The following CELF4 variants were observed in gnomAD, a reference collection of about 807,000 sequenced individuals.
The protein encoded by CELF4 is CUGBP Elav-like family member 4.
In CELF4, 18 loss-of-function variants were observed where a neutral mutation model predicts 59.9. The ratio of observed to expected loss-of-function variants is 0.30; its 90% CI spans 0.21 to 0.45. The LOEUF (loss-of-function observed/expected upper bound fraction) is 0.45, where lower values mean the gene tolerates loss of function less well. CELF4 is among the 20% of genes least tolerant of loss of function. The probability of loss-of-function intolerance (pLI) is 1.00; values close to 1 mark genes in which losing one functional copy is unlikely to be tolerated. For missense variants in CELF4, 456 were observed against 689.0 expected, an observed-to-expected ratio of 0.66 and a Z score of 3.79; for synonymous variants, 261 against 267.1, an observed-to-expected ratio of 0.98 and a Z score of 0.22.
At chr18:37,544,253 G>A (rs1243721579) in intron 1 of CELF4, among the ~76,000 whole-genome samples, 1 of 150,226 alleles carries the variant, frequency 6.7e-6, no homozygotes, top group East Asian at 2.0e-4. Context: ...TGCGTTCCAC[G>A]TTCACAAGCA....
intron 1 of CELF4, among the ~76,000 whole-genome samples, chr18:37,490,393 C>A (rs1473696877): frequency 6.6e-6 from 1 of 152,068 alleles, no homozygotes; most frequent in African/African-American, 2.4e-5. Flanking sequence ...AAAAAAAAAT[C>A]TTTACTAAAA....
chr18:37,315,779 C>G (rs562954928), intron 3 of CELF4, among the ~76,000 whole-genome samples: 2 of 152,304 alleles, frequency 1.3e-5, no homozygotes, highest in African/African-American at 4.8e-5. Flanking sequence ...ATACCTGACC[C>G]AGGTATCAGC....
At chr18:37,324,599 T>A (rs764781937) in intron 2 of CELF4, among the ~76,000 whole-genome samples, 10 of 152,128 alleles carry the variant, frequency 6.6e-5, no homozygotes, top group Non-Finnish European at 1.3e-4. Context: ...ATAAGCCCCC[T>A]AGTTCATGAA....
At chr18:37,461,218 C>T (rs1218697820) in intron 2 of CELF4, among the ~76,000 whole-genome samples, 2 of 152,182 alleles carry the variant, frequency 1.3e-5, no homozygotes, top group Non-Finnish European at 1.5e-5. Flanking sequence ...GGAGGCAGGG[C>T]TTGAGATTTG....
intron 3 of CELF4, among the ~76,000 whole-genome samples, chr18:37,299,794 T>C (rs1416768662): frequency 6.6e-6 from 1 of 152,208 alleles, no homozygotes; most frequent in African/African-American, 2.4e-5. Context: ...TCACATTCCC[T>C]GCCCTGTGCT....
intron 1 of CELF4, among the ~76,000 whole-genome samples, chr18:37,562,404 A>G (rs1227565515): frequency 6.6e-6 from 1 of 151,650 alleles, no homozygotes; most frequent in African/African-American, 2.4e-5. Flanking sequence ...ACTAACATAA[A>G]CATGACATCC....
intron 1 of CELF4, among the ~76,000 whole-genome samples, chr18:37,499,390 G>T (rs546475550): frequency 6.6e-6 from 1 of 152,306 alleles, no homozygotes; most frequent in Admixed American, 6.5e-5. Context: ...GGGGAGGGCT[G>T]GAGAGAGGAA....
chr18:37,382,388 G>C (rs976429571), intron 2 of CELF4, among the ~76,000 whole-genome samples: 1 of 152,188 alleles, frequency 6.6e-6, no homozygotes, highest in African/African-American at 2.4e-5. Context: ...GAGAGGTTCA[G>C]ACCTGCCCTC....
intron 2 of CELF4, among the ~76,000 whole-genome samples, chr18:37,362,996 T>G (rs1258597877): frequency 1.3e-5 from 2 of 152,168 alleles, no homozygotes; most frequent in Non-Finnish European, 2.9e-5. Flanking sequence ...TTCTTCTGGT[T>G]TCTTCCTTGC....
intron 1 of CELF4, among the ~76,000 whole-genome samples, chr18:37,516,863 C>G (rs1019896484): frequency 1.3e-5 from 2 of 152,200 alleles, no homozygotes; most frequent in African/African-American, 2.4e-5. Context: ...TCTGGGGGCA[C>G]GTGGCTGGGA....
intron 2 of CELF4, among the ~76,000 whole-genome samples, chr18:37,346,437 T>C (rs116185395): frequency 2.2e-4 from 33 of 152,274 alleles, no homozygotes; most frequent in African/African-American, 7.9e-4. Context: ...AGAGCTGGTA[T>C]CCTAGAATTG....
At chr18:37,424,975 C>T (rs1445787077) in intron 2 of CELF4, among the ~76,000 whole-genome samples, 2 of 152,234 alleles carry the variant, frequency 1.3e-5, no homozygotes, top group African/African-American at 4.8e-5. Flanking sequence ...TCGCCCCACC[C>T]GCACAGTGCT....
intron 2 of CELF4, among the ~76,000 whole-genome samples, chr18:37,462,476 G>A (rs2099796343): frequency 6.6e-6 from 1 of 152,152 alleles, no homozygotes; most frequent in Non-Finnish European, 1.5e-5. Flanking sequence ...CTTCCCTGGT[G>A]GATGCACCCT....
At chr18:37,542,497 C>G (rs1026298398) in intron 1 of CELF4, among the ~76,000 whole-genome samples, 10 of 152,326 alleles carry the variant, frequency 6.6e-5, no homozygotes, top group Non-Finnish European at 1.3e-4. Context: ...CTCATGGGAG[C>G]ATGGCTGGGC....
chr18:37,524,951 C>T lies in CELF4; in HGVS notation c.287-39344G>A, dbSNP rs115917713. 1.6e-3 allele frequency among the ~76,000 whole-genome samples: 237 copies of T among 152,352 alleles called. 1 individual carries two copies. Among genetic ancestry groups the T allele is most frequent in the African/African-American group, 5.2e-3 (217 of 41,594 alleles). Reference sequence around the variant, plus strand: ...TTCCCGCTTCGCTCTTTGAGCCCCGCTTCCTCTCCCTGAAGCGTCTCGCCC... The same window carrying T: ...TTCCCGCTTCGCTCTTTGAGCCCCGTTTCCTCTCCCTGAAGCGTCTCGCCC... On this transcript the variant is annotated intron_variant, in intron 1 of 12. Coordinates refer to ENST00000420428, the MANE Select transcript of CELF4 (RefSeq NM_020180.4).
intron 1 of CELF4, among the ~76,000 whole-genome samples, chr18:37,563,871 A>G (rs368104220): frequency 6.6e-6 from 1 of 152,190 alleles, no homozygotes; most frequent in Admixed American, 6.5e-5. Context: ...GACTCCAACT[A>G]TGAAGAGTTT....
chr18:37,357,859 T>C (rs2098627560), intron 2 of CELF4, among the ~76,000 whole-genome samples: 1 of 152,210 alleles, frequency 6.6e-6, no homozygotes, highest in Non-Finnish European at 1.5e-5. Flanking sequence ...ATTTCGGACT[T>C]GTGTGGGGCC....
chr18:37,272,325 C>T (rs2154352268), intron 7 of CELF4, among the ~76,000 whole-genome samples: 1 of 152,258 alleles, frequency 6.6e-6, no homozygotes, highest in African/African-American at 2.4e-5. Context: ...AGTAGCAATC[C>T]CCACTCCCAG....
chr18:37,437,294 T>C (rs1484055364), intron 2 of CELF4, among the ~76,000 whole-genome samples: 1 of 152,168 alleles, frequency 6.6e-6, no homozygotes, highest in South Asian at 2.1e-4. Context: ...AGACCCCTCC[T>C]CCTGGTTGAT....
Sources: allele counts gnomAD v4.1 joint callset (sites outside exome capture counted in the v4.1 genomes callset), GRCh38; gene constraint gnomAD v4.1.1; transcripts MANE v1.5; gene names NCBI Gene and HGNC (gene_info 2026-07-23, HGNC 2026-07-21).